The following SOAT2 variants were observed in gnomAD, a reference collection of about 807,000 sequenced individuals.
SOAT2 encodes the protein sterol O-acyltransferase 2, also known as ACAT-2.
In SOAT2, 87 loss-of-function variants were observed where a neutral mutation model predicts 76.0. The ratio of observed to expected loss-of-function variants is 1.14; its 90% CI spans 0.96 to 1.37. The LOEUF (loss-of-function observed/expected upper bound fraction) is 1.37. SOAT2 is among the 40% of genes most tolerant of loss of function. The pLI is 0.00. For synonymous variants in SOAT2, 285 were observed against 275.4 expected, an observed-to-expected ratio of 1.03 and a Z score of -0.34; for missense variants, 686 against 682.1, an observed-to-expected ratio of 1.01 and a Z score of -0.06.
rs188357044 is a variant in SOAT2, at chr12:53,113,276, G to A, written c.444-2114G>A. 3.9e-5 allele frequency among the ~76,000 whole-genome samples: 6 copies of A among 152,262 alleles called. No individual in the cohort carries two copies. The East Asian group carries it at 1.2e-3, about 29-fold the overall frequency. ...CTTCCCTGGGTGGTACCGGACAAAT[G>A]GCTTAACAAGCCCAATAGGAAAACA... On this transcript the variant is annotated intron_variant, in intron 5 of 14. Coordinates refer to ENST00000301466, the MANE Select transcript of SOAT2 (RefSeq NM_003578.4).
chr12:53,117,104 G>A (rs1938116769), intron 7 of SOAT2, among the ~76,000 whole-genome samples: 1 of 151,408 alleles, frequency 6.6e-6, no homozygotes, highest in Non-Finnish European at 1.5e-5. Context: ...GATTATAGGT[G>A]TGTGTCACCA....
chr12:53,114,728 A>G (rs1372213511), intron 5 of SOAT2, among the ~76,000 whole-genome samples: 1 of 152,216 alleles, frequency 6.6e-6, no homozygotes, highest in African/African-American at 2.4e-5. Context: ...CTCTAAAAAA[A>G]ACAGTTTCTG....
At position 53,118,932 on chromosome 12, in the gene SOAT2, C is replaced by T; in HGVS notation, c.906C>T (p.Ala302=). The T allele has an allele frequency of 6.2e-7, 1 of 1,614,080 alleles. No individual in the cohort carries two copies. The highest frequency in any genetic ancestry group is 2.2e-5 in the East Asian group (1 of 44,872). Residue 302 remains alanine, a synonymous_variant, in exon 9 of 15, where the codon GCC becomes GCT. Transcript: ENST00000301466. The part of the protein sequence containing the change: ...VRWNYVAKNF[A]QALGCVLYAC... Reference sequence around the variant, plus strand: ...GGAATTATGTGGCCAAGAACTTTGCCCAGGTGAGAAGATAGGGTAGAAGGG... The same window carrying T: ...GGAATTATGTGGCCAAGAACTTTGCTCAGGTGAGAAGATAGGGTAGAAGGG...
chr12:53,108,569 A>G (rs1937969647), intron 5 of SOAT2, among the ~76,000 whole-genome samples: 1 of 151,820 alleles, frequency 6.6e-6, no homozygotes, highest in Non-Finnish European at 1.5e-5. Flanking sequence ...ATAGCTCAAA[A>G]GAAAAGTTTC....
Position 53,120,416 on chromosome 12 carries a change from C to CT in SOAT2, c.1040-369dup, listed in dbSNP as rs1938172876. Among the ~76,000 whole-genome samples, 3 of 152,150 alleles carry CT rather than the reference C, an allele frequency of 2.0e-5. No homozygotes were observed. The South Asian group carries it at 6.2e-4, about 32-fold the overall frequency. On this transcript the variant is annotated intron_variant, in intron 10 of 14. Coordinates refer to ENST00000301466, the MANE Select transcript of SOAT2 (RefSeq NM_003578.4). ...CCCAGGAGGCGGAGCTTGCAGTGAG[C>CT]TGAGATCGTGCCACTGCACTCCAGA...
chr12:53,118,946 A>G lies in SOAT2; in HGVS notation c.909+11A>G. 6.2e-7 allele frequency: 1 copy of G among 1,614,002 alleles called. No homozygotes were observed. Among genetic ancestry groups the G allele is most frequent in the Non-Finnish European group, 8.5e-7 (1 of 1,179,932 alleles). Reference sequence around the variant, plus strand: ...AAGAACTTTGCCCAGGTGAGAAGATAGGGTAGAAGGGTGGACCTGTGACTC... The same window carrying G: ...AAGAACTTTGCCCAGGTGAGAAGATGGGGTAGAAGGGTGGACCTGTGACTC... On this transcript the variant is annotated intron_variant, in intron 9 of 14. Coordinates refer to ENST00000301466, the MANE Select transcript of SOAT2 (RefSeq NM_003578.4).
chr12:53,113,004 AC>A (rs56689349), intron 5 of SOAT2, among the ~76,000 whole-genome samples: 152,035 of 152,038 alleles, frequency 1, 76,016 homozygotes, highest in Middle Eastern at 1. Context: ...AAACTCCTGA[AC>A]CTCATGATCC....
intron 12 of SOAT2, 107 bp downstream of exon 12, chr12:53,121,508 G>A (rs1029952771): frequency 8.3e-6 from 7 of 847,390 alleles, no homozygotes; most frequent in Non-Finnish European, 7.7e-6. Context: ...CTCACCTAAG[G>A]GCCTAAGGGC....
In SOAT2 at chr12:53,105,429, C is replaced by T. The variant is rs558917806; in HGVS notation, c.276-132C>T. ...TCTGCCCTGGCCCTGACCTTCTACCCGGTCCTGCCCTCTGGCCCTAGCCCT... is the reference window on the plus strand; with the variant it reads ...TCTGCCCTGGCCCTGACCTTCTACCTGGTCCTGCCCTCTGGCCCTAGCCCT... On this transcript the variant is annotated intron_variant, in intron 3 of 14. Transcript: ENST00000301466. 47 of 1,190,748 alleles carry T rather than the reference C, an allele frequency of 3.9e-5. 1 individual carries two copies. The South Asian group carries it at 5.6e-4, about 14-fold the overall frequency. 73.8% of individuals were successfully genotyped at this position (1,190,748 alleles called of 1,614,324 possible).
chr12:53,119,128 T>C lies in SOAT2; in HGVS notation c.914T>C (p.Leu305Pro). 1 of 1,613,978 alleles carries C rather than the reference T, an allele frequency of 6.2e-7. No individual in the cohort carries two copies. The highest frequency in any genetic ancestry group is 8.5e-7 in the Non-Finnish European group (1 of 1,179,936). ...NYVAKNFAQA[L>P]GCVLYACFIL... The stretch of plus-strand genomic sequence containing the variant: ...GTGTCCCCATGCCCCCTCCAGGCCC[T>C]GGGATGTGTGCTCTATGCCTGCTTC... The change falls in exon 10 of 15, where the codon CTG (leucine) becomes CCG (proline). Residue 305 changes from leucine to proline, a missense_variant. By Grantham distance (98) the Leu-to-Pro change is moderately conservative. Coordinates refer to ENST00000301466, the MANE Select transcript of SOAT2 (RefSeq NM_003578.4).
intron 10 of SOAT2, among the ~76,000 whole-genome samples, chr12:53,120,271 C>T (rs1296575759): frequency 6.6e-6 from 1 of 152,050 alleles, no homozygotes; most frequent in African/African-American, 2.4e-5. Context: ...AGATCAAGAC[C>T]ATCCTGGCTA....
In SOAT2 at chr12:53,123,194, G is replaced by A. The variant is rs1938220837; in HGVS notation, c.1350G>A (p.Leu450=). The change falls in exon 13 of 15, where the codon CTG becomes CTA. Residue 450 remains leucine (L), a synonymous_variant. Transcript: ENST00000301466. ...FVLGFFYPVM[L]ILFLVIGGML... ...TGGGGTTCTTCTATCCCGTCATGCT[G>A]ATACTCTTCCTTGTCATTGGAGGTG... 12 of 1,614,004 alleles carry A rather than the reference G, an allele frequency of 7.4e-6. No homozygotes were observed. The highest frequency in any genetic ancestry group is 1.0e-5 in the Non-Finnish European group (12 of 1,179,972).
chr12:53,107,640 T>G (rs1170736893), intron 5 of SOAT2, among the ~76,000 whole-genome samples: 2 of 150,068 alleles, frequency 1.3e-5, no homozygotes, highest in East Asian at 3.9e-4. Context: ...TTTTTTTTTT[T>G]GAGACAGAGT....
chr12:53,104,676 T>C (rs967286899), intron 2 of SOAT2, among the ~76,000 whole-genome samples: 1 of 152,058 alleles, frequency 6.6e-6, no homozygotes, highest in Non-Finnish European at 1.5e-5. Flanking sequence ...AGCCAGTAGA[T>C]AGAGTCTTCC....
Position 53,105,252 on chromosome 12 carries a change from G to T in SOAT2, c.275+9G>T. On this transcript the variant is annotated intron_variant, in intron 3 of 14. Transcript: ENST00000301466. ...CCAGGTTCCTTGAGCAGGTGAGTCT[G>T]GGGAATGGCTGCGCGGGCTCCTCTG... The T allele has an allele frequency of 6.2e-7, 1 of 1,600,916 alleles. No homozygotes were observed.
At chr12:53,122,586 C>T (rs1057145953) in intron 12 of SOAT2, among the ~76,000 whole-genome samples, 15 of 151,852 alleles carry the variant, frequency 9.9e-5, no homozygotes, top group African/African-American at 2.9e-4. Flanking sequence ...CATCTTGCAC[C>T]GCCCTTAATC....
At chr12:53,118,803 GGA>G in intron 8 of SOAT2, 85 bp from the exon 9 acceptor site, 1 of 1,446,938 alleles carries the variant, frequency 6.9e-7, no homozygotes, top group South Asian at 1.1e-5. Flanking sequence ...AGGGAACTGA[GGA>G]GAGAGGGCCC....
chr12:53,115,271 TG>T, intron 5 of SOAT2, 118 bp from the exon 6 acceptor site: 1 of 1,166,254 alleles, frequency 8.6e-7, no homozygotes, highest in Non-Finnish European at 1.2e-6. Flanking sequence ...CCTCCAGAGA[TG>T]GGGAGCTCAC....
intron 5 of SOAT2, among the ~76,000 whole-genome samples, chr12:53,107,298 A>C (rs549205672): frequency 1.4e-5 from 2 of 144,768 alleles, no homozygotes; most frequent in Admixed American, 1.3e-4. Flanking sequence ...ATTTGTTCGC[A>C]GTAGCACTCT....
Sources: allele counts gnomAD v4.1 joint callset (sites outside exome capture counted in the v4.1 genomes callset), GRCh38; gene constraint gnomAD v4.1.1; transcripts MANE v1.5; gene names NCBI Gene and HGNC (gene_info 2026-07-23, HGNC 2026-07-21).